The following CNBD1 variants were observed in gnomAD, a reference collection of about 807,000 sequenced individuals.
CNBD1 encodes cyclic nucleotide binding domain containing 1, also known as cyclic nucleotide-binding domain-containing protein 1.
Under a neutral mutation model 54.4 loss-of-function variants are expected in CNBD1, and 71 were observed. That is an observed-to-expected ratio of 1.30 (90% CI 1.08 to 1.59). CNBD1 has a LOEUF of 1.59. CNBD1 is among the 40% of genes most tolerant of loss of function. The pLI is 0.00. For synonymous variants in CNBD1, 182 were observed against 170.7 expected, an observed-to-expected ratio of 1.07 and a Z score of -0.51; for missense variants, 659 against 518.0, an observed-to-expected ratio of 1.27 and a Z score of -2.64.
At chr8:87,370,132 G>T (rs1810744517) in intron 10 of CNBD1, among the ~76,000 whole-genome samples, 1 of 151,638 alleles carries the variant, frequency 6.6e-6, no homozygotes, top group Admixed American at 6.6e-5. Context: ...TATCATTGTT[G>T]GACATTTGGG....
chr8:87,209,243 T>C (rs1284032003), intron 5 of CNBD1, among the ~76,000 whole-genome samples: 1 of 152,066 alleles, frequency 6.6e-6, no homozygotes, highest in Non-Finnish European at 1.5e-5. Flanking sequence ...CTTCCAAAAA[T>C]TGAATAGGAG....
chr8:86,985,940 T>C (rs1009521059), intron 4 of CNBD1, among the ~76,000 whole-genome samples: 1 of 152,140 alleles, frequency 6.6e-6, no homozygotes, highest in Admixed American at 6.5e-5. Flanking sequence ...TGTTGCTTGT[T>C]TTTTCCTGAG....
chr8:86,917,656 A>G (rs538162974), intron 3 of CNBD1, among the ~76,000 whole-genome samples: 1 of 152,230 alleles, frequency 6.6e-6, no homozygotes, highest in East Asian at 1.9e-4. Context: ...GTGGATGCAG[A>G]AGCAGAAAAA....
intron 8 of CNBD1, among the ~76,000 whole-genome samples, chr8:87,287,462 T>C (rs1808720331): frequency 6.6e-6 from 1 of 152,154 alleles, no homozygotes; most frequent in African/African-American, 2.4e-5. Context: ...TAGATTATAA[T>C]GGAAGAGGAA....
intron 3 of CNBD1, among the ~76,000 whole-genome samples, chr8:86,919,103 C>T (rs538788405): frequency 7.3e-5 from 11 of 151,696 alleles, no homozygotes; most frequent in African/African-American, 2.7e-4. Flanking sequence ...ATCAACAAGA[C>T]TGAAAAATAA....
intron 4 of CNBD1, among the ~76,000 whole-genome samples, chr8:86,951,890 T>C (rs529735859): frequency 6.6e-6 from 1 of 152,192 alleles, no homozygotes; most frequent in South Asian, 2.1e-4. Context: ...TGCTCCACTG[T>C]ATTCCTAAAA....
In CNBD1 at chr8:87,184,699, A is replaced by G. The variant is rs1190679900; in HGVS notation, c.432-21294A>G. ...GAAGGAGTCTGGTGCTTGGCAACCT[A>G]ACTTCCTCCCCTTTCAGCCTCCGGG... On this transcript the variant is annotated intron_variant, in intron 4 of 10. Transcript: ENST00000518476. Among the ~76,000 whole-genome samples, 3 of 152,022 alleles carry G rather than the reference A, an allele frequency of 2.0e-5. No individual in the cohort carries two copies. The East Asian group carries it at 5.8e-4, about 30-fold the overall frequency.
chr8:87,112,335 A>T (rs1457279308), intron 4 of CNBD1, among the ~76,000 whole-genome samples: 1 of 152,060 alleles, frequency 6.6e-6, no homozygotes, highest in Admixed American at 6.6e-5. Context: ...CCTATCTAAT[A>T]AGGCCTTGAT....
chr8:87,426,715 C>T (rs759723857), intron 2 of CNBD1, among the ~76,000 whole-genome samples: 1 of 152,126 alleles, frequency 6.6e-6, no homozygotes, highest in Non-Finnish European at 1.5e-5. Context: ...GAAATAACGG[C>T]AATTGCAGAT....
chr8:87,371,294 A>G (rs1446119294), intron 10 of CNBD1, among the ~76,000 whole-genome samples: 2 of 151,964 alleles, frequency 1.3e-5, no homozygotes, highest in Admixed American at 6.6e-5. Flanking sequence ...TGGGGATGGC[A>G]TTGAATCTAT....
intron 8 of CNBD1, among the ~76,000 whole-genome samples, chr8:87,340,111 A>AAT (rs758259014): frequency 0.043 from 6,621 of 152,298 alleles, 187 homozygotes; most frequent in Non-Finnish European, 0.06. Context: ...GTCTGGAAAC[A>AAT]TCCCTCTCGT....
rs140281036 is a variant in CNBD1, at chr8:87,302,565, A to C, written c.1042+15894A>C. Reference sequence around the variant, plus strand: ...GCAAAAACTGGAAGCATTCCCTTTGAAAACTGGCACAAGACAGGGATGCCC... The same window carrying C: ...GCAAAAACTGGAAGCATTCCCTTTGCAAACTGGCACAAGACAGGGATGCCC... On this transcript the variant is annotated intron_variant, in intron 8 of 10. Coordinates refer to ENST00000518476, the MANE Select transcript of CNBD1 (RefSeq NM_173538.3). Among the ~76,000 whole-genome samples, 269 of 152,092 alleles carry C rather than the reference A, an allele frequency of 1.8e-3. 1 individual carries two copies. Among genetic ancestry groups the C allele is most frequent in the African/African-American group, 5.6e-3 (233 of 41,536 alleles).
intron 4 of CNBD1, among the ~76,000 whole-genome samples, chr8:86,949,239 T>C (rs1362014594): frequency 4.6e-5 from 7 of 152,190 alleles, no homozygotes; most frequent in African/African-American, 1.7e-4. Context: ...GCAGGATCTT[T>C]TGTGGTTCCA....
At chr8:86,964,815 C>T (rs982487324) in intron 4 of CNBD1, among the ~76,000 whole-genome samples, 2 of 152,314 alleles carry the variant, frequency 1.3e-5, no homozygotes. Flanking sequence ...CTTGCAGCCT[C>T]TCCTGAGATG....
At chr8:86,971,488 G>C (rs569245677) in intron 4 of CNBD1, among the ~76,000 whole-genome samples, 1 of 152,206 alleles carries the variant, frequency 6.6e-6, no homozygotes, top group East Asian at 1.9e-4. Flanking sequence ...ATTTCATATT[G>C]ATTTAAAAAT....
chr8:87,415,563 C>A (rs999351688), intron 2 of CNBD1, among the ~76,000 whole-genome samples: 1 of 151,978 alleles, frequency 6.6e-6, no homozygotes, highest in Non-Finnish European at 1.5e-5. Context: ...CAGTGTTGAA[C>A]AAGGCATGTT....
chr8:87,201,431 C>T (rs1813859697), intron 4 of CNBD1, among the ~76,000 whole-genome samples: 1 of 152,106 alleles, frequency 6.6e-6, no homozygotes, highest in Admixed American at 6.5e-5. Flanking sequence ...GAAAAGGAAA[C>T]TAAAACTATC....
intron 4 of CNBD1, among the ~76,000 whole-genome samples, chr8:87,173,258 T>C (rs1017432674): frequency 1.3e-5 from 2 of 152,222 alleles, no homozygotes; most frequent in Admixed American, 1.3e-4. Flanking sequence ...TGAGAAGTTG[T>C]AGTTGTTTTT....
intron 8 of CNBD1, among the ~76,000 whole-genome samples, chr8:87,301,508 G>A (rs960491760): frequency 6.6e-6 from 1 of 152,096 alleles, no homozygotes; most frequent in African/African-American, 2.4e-5. Context: ...ATGATAACGT[G>A]GGTTTCATAC....
Sources: gnomAD v4.1 joint callset for allele counts (sites outside exome capture counted in the v4.1 genomes callset) on GRCh38, gnomAD v4.1.1 for gene constraint, MANE v1.5 for transcripts, NCBI Gene and HGNC (gene_info 2026-07-23, HGNC 2026-07-21) for gene names.